The following SLC12A8 variants were observed in gnomAD, a reference collection of about 807,000 sequenced individuals.
SLC12A8 encodes the protein solute carrier family 12 member 8.
SLC12A8 carries 69 observed loss-of-function variants against 75.6 expected under a neutral mutation model. The observed-to-expected ratio is 0.91, with a 90% CI of 0.75 to 1.11. The LOEUF is 1.11. Among genes scored for constraint, SLC12A8 ranks in the 50% most tolerant of loss-of-function variants. The pLI is 0.00. For synonymous variants in SLC12A8, 365 were observed against 372.8 expected (o/e 0.98, Z 0.24); for missense variants, 877 against 896.7 (o/e 0.98, Z 0.28).
chr3:125,101,064 T>TA (rs1368044991), intron 10 of SLC12A8, among the ~76,000 whole-genome samples: 1 of 151,824 alleles, frequency 6.6e-6, no homozygotes, highest in Non-Finnish European at 1.5e-5. Context: ...TGTGTTCATT[T>TA]AATCAATATC....
At position 125,118,779 on chromosome 3, in the gene SLC12A8, A is replaced by C. The variant is rs1391662825; in HGVS notation, c.902T>G (p.Ile301Arg). ...TREALRYDFL[I>R]AEKVSLMGFL... Reference sequence around the variant, plus strand: ...GCAGGCCTCACTCACCTTTTCCGCTATCAGGAAGTCATAGCGAAGGGCCTC... The same window carrying C: ...GCAGGCCTCACTCACCTTTTCCGCTCTCAGGAAGTCATAGCGAAGGGCCTC... Residue 301 changes from isoleucine to arginine, a missense_variant, in exon 8 of 14, where the codon ATA becomes AGA. Coordinates refer to ENST00000469902, the MANE Select transcript of SLC12A8 (RefSeq NM_024628.6). The C allele has an allele frequency of 1.9e-6, 3 of 1,613,328 alleles. No individual in the cohort carries two copies.
intron 5 of SLC12A8, chr3:125,151,279 T>G (rs1202308040): frequency 6.5e-6 from 1 of 153,418 alleles, no homozygotes; most frequent in Non-Finnish European, 1.5e-5. Context: ...ATTGGCCTCT[T>G]GGCCCAACTG....
rs577832933 is a variant in SLC12A8, at chr3:125,205,876, A to T, written c.51+5423T>A. 2.2e-4 allele frequency among the ~76,000 whole-genome samples: 33 copies of T among 152,298 alleles called. No individual in the cohort carries two copies. The Middle Eastern group carries it at 0.017, about 78-fold the overall frequency. ...CAAGACCTGGGATAGTGAGGGGGTC[A>T]TGGCTCTAGGAATCCCAGAATTGAG... On this transcript the variant is annotated intron_variant, in intron 2 of 13. Transcript: ENST00000469902.
At chr3:125,116,287 C>T (rs972107657) in intron 8 of SLC12A8, among the ~76,000 whole-genome samples, 9 of 152,220 alleles carry the variant, frequency 5.9e-5, no homozygotes, top group Non-Finnish European at 1.3e-4. Context: ...AGAGCAGTAG[C>T]TTTGTTCCTT....
chr3:125,181,412 T>C (rs183429909), intron 4 of SLC12A8, among the ~76,000 whole-genome samples: 5 of 149,248 alleles, frequency 3.4e-5, no homozygotes, highest in Non-Finnish European at 5.9e-5. Flanking sequence ...CCATCCTGGC[T>C]AACAAGGTGA....
chr3:125,107,223 T>C (rs1939049378), intron 10 of SLC12A8, among the ~76,000 whole-genome samples: 1 of 152,256 alleles, frequency 6.6e-6, no homozygotes, highest in Non-Finnish European at 1.5e-5. Flanking sequence ...AAGAGATTGA[T>C]ACCCAATTAC....
chr3:125,102,018 T>C (rs1448190639), intron 10 of SLC12A8, among the ~76,000 whole-genome samples: 8 of 152,206 alleles, frequency 5.3e-5, no homozygotes, highest in African/African-American at 1.9e-4. Flanking sequence ...TTTATTTCCT[T>C]AAGATAGACA....
chr3:125,203,035 C>T (rs1203003116), intron 2 of SLC12A8, among the ~76,000 whole-genome samples: 1 of 137,130 alleles, frequency 7.3e-6, no homozygotes, highest in African/African-American at 2.7e-5. Flanking sequence ...TTGCAGTGAG[C>T]TGAGATCGCA....
intron 5 of SLC12A8, among the ~76,000 whole-genome samples, chr3:125,157,292 A>G (rs140032295): frequency 5.1e-4 from 78 of 152,320 alleles, no homozygotes; most frequent in African/African-American, 1.7e-3. Context: ...CTGGAAGGAA[A>G]TACACTAATT....
At position 125,083,851 on chromosome 3, in the gene SLC12A8, A is replaced by T. The variant is rs1393467907; in HGVS notation, c.*39T>A. ...GGTCCTGAGCTTGGGTCCACTGTAC[A>T]TGGGACAGCTCCAAAAGAGGAAGGT... On this transcript the variant is annotated 3_prime_UTR_variant, in exon 14 of 14. Coordinates refer to ENST00000469902, the MANE Select transcript of SLC12A8 (RefSeq NM_024628.6). 3 of 1,591,938 alleles carry T rather than the reference A, an allele frequency of 1.9e-6. No individual in the cohort carries two copies. In the African/African-American group the frequency reaches 4.0e-5, roughly 21 times the overall value.
chr3:125,202,624 A>C (rs1488758563), intron 2 of SLC12A8, among the ~76,000 whole-genome samples: 1 of 140,676 alleles, frequency 7.1e-6, no homozygotes, highest in Non-Finnish European at 1.5e-5. Context: ...GGAATGTATT[A>C]ACCATGTTTT....
At chr3:125,134,663 T>C (rs1037253959) in intron 6 of SLC12A8, among the ~76,000 whole-genome samples, 2 of 152,208 alleles carry the variant, frequency 1.3e-5, no homozygotes, top group African/African-American at 4.8e-5. Context: ...CACCGCACCA[T>C]TTTACATTCC....
At chr3:125,141,626 T>C (rs868586476) in intron 5 of SLC12A8, among the ~76,000 whole-genome samples, 29 of 151,894 alleles carry the variant, frequency 1.9e-4, no homozygotes, top group African/African-American at 2.7e-4. Context: ...GGTTGCACTG[T>C]TGACTAACTT....
At chr3:125,200,828 A>G (rs1407461325) in intron 2 of SLC12A8, among the ~76,000 whole-genome samples, 1 of 152,222 alleles carries the variant, frequency 6.6e-6, no homozygotes, top group Non-Finnish European at 1.5e-5. Context: ...TTCGGTTTTA[A>G]GTTGAATTCT....
chr3:125,179,733 A>AGAGAGAGAGAGAGAGAGAGAG (rs1560077720), intron 4 of SLC12A8, among the ~76,000 whole-genome samples: 4 of 134,984 alleles, frequency 3.0e-5, no homozygotes, highest in African/African-American at 1.2e-4. Flanking sequence ...GAGAGAGAGA[A>AGAGAGAGAGAGAGAGAGAGAG]AGAGAAAGAC....
chr3:125,148,976 G>A (rs1422721859), intron 5 of SLC12A8, among the ~76,000 whole-genome samples: 1 of 151,554 alleles, frequency 6.6e-6, no homozygotes, highest in African/African-American at 2.4e-5. Context: ...CAGCGGGGGG[G>A]CACAGGCAGG....
intron 4 of SLC12A8, among the ~76,000 whole-genome samples, chr3:125,183,207 C>T (rs936249363): frequency 6.6e-6 from 1 of 152,152 alleles, no homozygotes; most frequent in African/African-American, 2.4e-5. Context: ...CTGAATGCTG[C>T]TTTTCCTTGG....
intron 4 of SLC12A8, among the ~76,000 whole-genome samples, chr3:125,186,334 C>T (rs184587398): frequency 3.3e-4 from 50 of 152,206 alleles, no homozygotes; most frequent in African/African-American, 1.2e-3. Flanking sequence ...ACAGGCACCC[C>T]CACCGCCCAC....
At chr3:125,126,838 C>T (rs1219563046) in intron 6 of SLC12A8, among the ~76,000 whole-genome samples, 3 of 151,652 alleles carry the variant, frequency 2.0e-5, no homozygotes, top group Non-Finnish European at 4.4e-5. Flanking sequence ...ATTTTTCTTT[C>T]TTATGAAGGT....
Sources: allele counts gnomAD v4.1 joint callset (sites outside exome capture counted in the v4.1 genomes callset), GRCh38; gene constraint gnomAD v4.1.1; transcripts MANE v1.5; gene names NCBI Gene and HGNC (gene_info 2026-07-23, HGNC 2026-07-21).